The following RABGAP1L variants were observed in gnomAD, a reference collection of about 807,000 sequenced individuals.
The protein encoded by RABGAP1L is rab GTPase-activating protein 1-like.
A neutral mutation model predicts 137.7 loss-of-function variants in RABGAP1L; 63 were observed. That is an observed-to-expected ratio of 0.46 (90% CI 0.37 to 0.56). RABGAP1L has a LOEUF of 0.56. Among genes scored for constraint, RABGAP1L ranks in the 20% least tolerant of loss-of-function variants. RABGAP1L has a pLI of 0.00. For synonymous variants in RABGAP1L, 431 were observed against 433.7 expected (o/e 0.99, Z 0.08); for missense variants, 1,095 against 1,244.0 (o/e 0.88, Z 1.80).
intron 1 of RABGAP1L, among the ~76,000 whole-genome samples, chr1:174,216,049 A>G (rs1359524288): frequency 6.6e-6 from 1 of 152,218 alleles, no homozygotes; most frequent in Non-Finnish European, 1.5e-5. Flanking sequence ...AGAAAGACAA[A>G]GTTCACACAT....
intron 13 of RABGAP1L, among the ~76,000 whole-genome samples, chr1:174,568,813 T>C (rs1212367173): frequency 2.0e-5 from 3 of 152,190 alleles, no homozygotes; most frequent in Non-Finnish European, 4.4e-5. Flanking sequence ...GTTTACACTA[T>C]GCAGATAATT....
intron 13 of RABGAP1L, among the ~76,000 whole-genome samples, chr1:174,481,799 C>T (rs1317734495): frequency 2.0e-5 from 3 of 150,242 alleles, no homozygotes; most frequent in African/African-American, 7.3e-5. Context: ...GGGTGCAGCG[C>T]ACCAGCATGG....
At chr1:174,854,480 A>G (rs1648907842) in intron 19 of RABGAP1L, among the ~76,000 whole-genome samples, 1 of 152,080 alleles carries the variant, frequency 6.6e-6, no homozygotes, top group Admixed American at 6.6e-5. Context: ...TAAATTACTG[A>G]AGGGAATTAT....
chr1:174,718,477 G>A (rs377471850), intron 17 of RABGAP1L, among the ~76,000 whole-genome samples: 14 of 152,278 alleles, frequency 9.2e-5, no homozygotes, highest in African/African-American at 3.4e-4. Flanking sequence ...GAAAAGAAGG[G>A]ATGTGCTGTG....
intron 19 of RABGAP1L, among the ~76,000 whole-genome samples, chr1:174,829,795 TCA>T (rs1258629938): frequency 6.7e-6 from 1 of 148,598 alleles, no homozygotes; most frequent in Non-Finnish European, 1.5e-5. Flanking sequence ...GAAGTTATAA[TCA>T]CATTTTATAT....
intron 13 of RABGAP1L, among the ~76,000 whole-genome samples, chr1:174,587,322 T>C (rs908545923): frequency 1.4e-5 from 2 of 146,956 alleles, no homozygotes; most frequent in Non-Finnish European, 3.0e-5. Context: ...AGGGATAGCA[T>C]TGGGAGATAT....
chr1:174,346,004 C>T (rs2148904780), intron 11 of RABGAP1L, among the ~76,000 whole-genome samples: 1 of 152,202 alleles, frequency 6.6e-6, no homozygotes, highest in East Asian at 1.9e-4. Context: ...TTGAAATGCT[C>T]ATATGGTCTT....
chr1:174,198,107 G>C (rs1203200258), intron 1 of RABGAP1L, among the ~76,000 whole-genome samples: 1 of 152,146 alleles, frequency 6.6e-6, no homozygotes, highest in Non-Finnish European at 1.5e-5. Flanking sequence ...TTATGACTTA[G>C]AAACACTGTT....
In RABGAP1L at chr1:174,341,810, C is replaced by A. The variant is rs148565102; in HGVS notation, c.1466-29169C>A. ...AAATGTGTTTCAAAAGGAGAGAAAT[C>A]TTACATATCTACATGCAAAGTAGTC... On this transcript the variant is annotated intron_variant, in intron 11 of 25. Transcript: ENST00000681986. Among the ~76,000 whole-genome samples the A allele has an allele frequency of 2.1e-3, 325 of 152,172 alleles. 4 individuals carry two copies. The highest frequency in any genetic ancestry group is 7.5e-3 in the African/African-American group (310 of 41,528).
At chr1:174,705,142 TA>T (rs1199783291) in intron 17 of RABGAP1L, 1 of 152,040 alleles carries the variant, frequency 6.6e-6, no homozygotes, top group Admixed American at 6.6e-5. Flanking sequence ...GAAAAGGGAA[TA>T]AAATTAATGT....
At chr1:174,367,543 G>T (rs778349339) in intron 11 of RABGAP1L, 1 of 225,154 alleles carries the variant, frequency 4.4e-6, no homozygotes, top group South Asian at 7.2e-5. Flanking sequence ...TGGTAAAACT[G>T]GACATAATGT....
intron 14 of RABGAP1L, among the ~76,000 whole-genome samples, chr1:174,670,906 C>T (rs533372561): frequency 6.6e-6 from 1 of 152,194 alleles, no homozygotes; most frequent in East Asian, 1.9e-4. Context: ...TTGGTTATAC[C>T]TAGCAATGGG....
At chr1:174,965,327 C>T (rs1669521066) in intron 20 of RABGAP1L, among the ~76,000 whole-genome samples, 1 of 152,172 alleles carries the variant, frequency 6.6e-6, no homozygotes, top group Non-Finnish European at 1.5e-5. Context: ...AAACTTACAG[C>T]ATGTGAATTT....
chr1:174,390,679 A>G (rs1021611007), intron 12 of RABGAP1L, among the ~76,000 whole-genome samples: 7 of 152,150 alleles, frequency 4.6e-5, no homozygotes, highest in South Asian at 2.1e-4. Context: ...GTTGAGATGG[A>G]AGTGCATGAA....
At chr1:174,301,843 T>G (rs1158736552) in intron 10 of RABGAP1L, among the ~76,000 whole-genome samples, 2 of 152,150 alleles carry the variant, frequency 1.3e-5, no homozygotes, top group Non-Finnish European at 2.9e-5. Context: ...GGGAGGTATA[T>G]GTAAAATAGG....
intron 3 of RABGAP1L, among the ~76,000 whole-genome samples, chr1:174,224,609 G>A (rs1363839577): frequency 6.6e-6 from 1 of 152,130 alleles, no homozygotes; most frequent in African/African-American, 2.4e-5. Context: ...CTGTTATAGA[G>A]TAATATTCTC....
rs567226995 is a variant in RABGAP1L at position 174,761,764 on chromosome 1, C to G, written c.2211+9410C>G. 6.6e-6 allele frequency among the ~76,000 whole-genome samples: 1 copy of G among 152,192 alleles called. No individual in the cohort carries two copies. Among genetic ancestry groups the G allele is most frequent in the Non-Finnish European group, 1.5e-5 (1 of 68,034 alleles). On this transcript the variant is annotated intron_variant, in intron 18 of 25. Coordinates refer to ENST00000681986, the MANE Select transcript of RABGAP1L (RefSeq NM_001366446.1). The surrounding 1 kb of genome is among the most constrained non-coding windows in gnomAD (Gnocchi z 4.0). ...GGAGAACAGCATGGGAAAGACCCAC[C>G]ACCATGATTCAATTACATTCCACCA... is the stretch of plus-strand genomic sequence containing the variant.
At chr1:174,884,352 G>A (rs1244513964) in intron 19 of RABGAP1L, among the ~76,000 whole-genome samples, 1 of 152,020 alleles carries the variant, frequency 6.6e-6, no homozygotes, top group Non-Finnish European at 1.5e-5. Context: ...AAAATTCAGA[G>A]CAATTCCATA....
At chr1:174,518,925 A>G (rs1663110902) in intron 13 of RABGAP1L, among the ~76,000 whole-genome samples, 1 of 152,158 alleles carries the variant, frequency 6.6e-6, no homozygotes, top group Non-Finnish European at 1.5e-5. Context: ...TCCCAACAGG[A>G]ATGATGGGAG....
Sources: gnomAD v4.1 joint callset for allele counts (sites outside exome capture counted in the v4.1 genomes callset) on GRCh38, gnomAD v4.1.1 for gene constraint, Gnocchi (gnomAD v3.1) non-coding constraint, MANE v1.5 for transcripts, NCBI Gene and HGNC (gene_info 2026-07-23, HGNC 2026-07-21) for gene names.